The following GPR155 variants were observed in gnomAD, a reference collection of about 807,000 sequenced individuals.
GPR155 encodes G protein-coupled receptor 155, also known as lysosomal cholesterol signaling protein.
In GPR155, 65 loss-of-function variants were observed where a neutral mutation model predicts 93.1. The ratio of observed to expected loss-of-function variants is 0.70; its 90% CI spans 0.57 to 0.86. The LOEUF is 0.86. GPR155 is among the 40% of genes least tolerant of loss of function. GPR155 has a pLI of 0.00. For synonymous variants in GPR155, 319 were observed against 360.1 expected, an observed-to-expected ratio of 0.89 and a Z score of 1.29; for missense variants, 838 against 1,034.8, an observed-to-expected ratio of 0.81 and a Z score of 2.61.
chr2:174,448,829 G>A (rs960163931), intron 11 of GPR155, among the ~76,000 whole-genome samples: 1 of 151,950 alleles, frequency 6.6e-6, no homozygotes, highest in Non-Finnish European at 1.5e-5. Flanking sequence ...GAGCCACCGC[G>A]CCCGGCCTAC....
At chr2:174,453,550 C>T (rs1328023126) in intron 11 of GPR155, among the ~76,000 whole-genome samples, 187 bp downstream of exon 11, 1 of 151,074 alleles carries the variant, frequency 6.6e-6, no homozygotes, top group Admixed American at 6.7e-5. Flanking sequence ...GTCCCAGCTA[C>T]TCAGGAGGCT....
At position 174,461,341 on chromosome 2, in the gene GPR155, G is replaced by A. The variant is rs1395235660; in HGVS notation, c.1560+61C>T. ...TTAATTTTAATATAAGTCTAGCAAG[G>A]CACATAACGAGCTAAAAAGAGACAT... On this transcript the variant is annotated intron_variant, in intron 9 of 15. Coordinates refer to ENST00000392552, the MANE Select transcript of GPR155 (RefSeq NM_152529.7). The A allele has an allele frequency of 4.2e-6, 4 of 948,230 alleles. No individual in the cohort carries two copies. The Admixed American group carries it at 5.5e-5, about 13-fold the overall frequency. 58.7% of individuals were successfully genotyped at this position (948,230 alleles called of 1,614,324 possible).
intron 3 of GPR155, 146 bp downstream of exon 3, chr2:174,472,819 T>C (rs1688034345): frequency 3.3e-6 from 2 of 612,484 alleles, no homozygotes; most frequent in Non-Finnish European, 5.6e-6. Context: ...CAATACACCA[T>C]CACATTTTCC....
chr2:174,475,941 G>T (rs1217889560), intron 2 of GPR155, among the ~76,000 whole-genome samples: 1 of 152,112 alleles, frequency 6.6e-6, no homozygotes, highest in Non-Finnish European at 1.5e-5. Flanking sequence ...TCTACTCAAA[G>T]CCCCTTATAT....
At chr2:174,439,031 C>T (rs1686874391) in intron 15 of GPR155, among the ~76,000 whole-genome samples, 2 of 152,194 alleles carry the variant, frequency 1.3e-5, no homozygotes, top group South Asian at 4.1e-4. Flanking sequence ...CAATGTCACA[C>T]AGCCAACAAG....
In GPR155 at chr2:174,432,765, T is replaced by G. The variant is rs1323237075; in HGVS notation, c.*3351A>C. 2 of 80,756 alleles carry G rather than the reference T, an allele frequency of 2.5e-5. No homozygotes were observed. Among genetic ancestry groups the G allele is most frequent in the Admixed American group, 1.2e-4 (1 of 8,216 alleles). The allele number at this position is 80,756 out of a possible 1,614,324, so 5.0% of individuals were successfully genotyped here. ...AATATACTAGGCTTCCATGCAGGTT[T>G]TTTTTTTTTTTTTTTTGCGATGGAG... On this transcript the variant is annotated 3_prime_UTR_variant, in exon 16 of 16. Coordinates refer to ENST00000392552, the MANE Select transcript of GPR155 (RefSeq NM_152529.7).
At chr2:174,464,928 C>T (rs543649650) in intron 7 of GPR155, among the ~76,000 whole-genome samples, 3 of 152,164 alleles carry the variant, frequency 2.0e-5, no homozygotes, top group African/African-American at 4.8e-5. Context: ...ATCAAAGGTC[C>T]GTCCTTTGTG....
chr2:174,464,907 G>A (rs1456129795), intron 7 of GPR155, among the ~76,000 whole-genome samples: 1 of 152,012 alleles, frequency 6.6e-6, no homozygotes, highest in Non-Finnish European at 1.5e-5. Flanking sequence ...TTTTGATCCT[G>A]AAGGCATGAA....
chr2:174,458,940 T>C (rs563696141), intron 10 of GPR155, among the ~76,000 whole-genome samples: 1 of 152,106 alleles, frequency 6.6e-6, no homozygotes, highest in East Asian at 1.9e-4. Flanking sequence ...ATACAAAAAT[T>C]AGCCAGGCGT....
At chr2:174,443,066 C>A (rs1488154038) in intron 13 of GPR155, among the ~76,000 whole-genome samples, 18 of 152,186 alleles carry the variant, frequency 1.2e-4, no homozygotes, top group Non-Finnish European at 1.5e-5. Context: ...AATGGGCTTT[C>A]TGAATGCAAA....
chr2:174,476,767 C>A (rs1688178765), intron 2 of GPR155, among the ~76,000 whole-genome samples: 1 of 152,150 alleles, frequency 6.6e-6, no homozygotes, highest in African/African-American at 2.4e-5. Flanking sequence ...ATTAGTAGTT[C>A]TTTATGCTGT....
At chr2:174,454,656 A>AG (rs796501773) in intron 10 of GPR155, among the ~76,000 whole-genome samples, 1 of 126,704 alleles carries the variant, frequency 7.9e-6, no homozygotes, top group African/African-American at 3.7e-5. Flanking sequence ...GAGGGAGGGA[A>AG]GAAGGGAAGG....
chr2:174,458,186 TAA>T lies in GPR155; in HGVS notation c.1771+1690_1771+1691del, dbSNP rs1687576468. On this transcript the variant is annotated intron_variant, in intron 10 of 15. Transcript: ENST00000392552. ...AAGTTAATGCAATGTTAGGCAGAAT[TAA>T]AAGTTTCTTTTCTAAGTAAGGACAG... Among the ~76,000 whole-genome samples the T allele has an allele frequency of 2.0e-5, 3 of 152,210 alleles. 1 individual carries two copies. The South Asian group carries it at 6.2e-4, about 31-fold the overall frequency.
intron 10 of GPR155, among the ~76,000 whole-genome samples, chr2:174,458,399 T>G (rs1687583529): frequency 6.6e-6 from 1 of 152,186 alleles, no homozygotes; most frequent in South Asian, 2.1e-4. Flanking sequence ...AGGGTCAAAT[T>G]GAACTCATTA....
intron 2 of GPR155, among the ~76,000 whole-genome samples, chr2:174,477,109 CA>C (rs1688188947): frequency 1.3e-5 from 2 of 152,182 alleles, no homozygotes; most frequent in Non-Finnish European, 2.9e-5. Flanking sequence ...CAGCTCTTTA[CA>C]TCGAATTGTT....
intron 10 of GPR155, among the ~76,000 whole-genome samples, chr2:174,456,448 G>T (rs1559106906): frequency 6.6e-6 from 1 of 151,942 alleles, no homozygotes; most frequent in Non-Finnish European, 1.5e-5. Flanking sequence ...CGGACTACAG[G>T]CACATGCTAC....
chr2:174,468,291 CT>C (rs1426639632), intron 5 of GPR155, among the ~76,000 whole-genome samples: 1 of 151,898 alleles, frequency 6.6e-6, no homozygotes, highest in Non-Finnish European at 1.5e-5. Context: ...TACACATTGT[CT>C]TTTTTTTCAG....
At chr2:174,439,815 C>T in intron 15 of GPR155, 83 bp downstream of exon 15, 1 of 1,145,784 alleles carries the variant, frequency 8.7e-7, no homozygotes, top group Non-Finnish European at 1.3e-6. Flanking sequence ...ACAACCACCT[C>T]ATTTAGCCTA....
intron 7 of GPR155, among the ~76,000 whole-genome samples, chr2:174,465,235 A>G (rs1687805123): frequency 6.6e-6 from 1 of 151,920 alleles, no homozygotes; most frequent in African/African-American, 2.4e-5. Context: ...TAATTCTTCT[A>G]TTTAATAACT....
Sources: gnomAD v4.1 joint callset for allele counts (sites outside exome capture counted in the v4.1 genomes callset) on GRCh38, gnomAD v4.1.1 for gene constraint, MANE v1.5 for transcripts, NCBI Gene and HGNC (gene_info 2026-07-23, HGNC 2026-07-21) for gene names.